The following ZNF91 variants were observed in gnomAD, a reference collection of about 807,000 sequenced individuals.
The protein encoded by ZNF91 is zinc finger protein 91 (HPF7, HTF10).
In ZNF91, 7 loss-of-function variants were observed where a neutral mutation model predicts 12.6. The observed-to-expected ratio is 0.55, with a 90% CI of 0.31 to 1.04. The LOEUF is 1.04. ZNF91 is among the 50% of genes least tolerant of loss of function. ZNF91 has a pLI of 0.05. For missense variants in ZNF91, 1,217 were observed against 1,385.4 expected (o/e 0.88, Z 1.93); for synonymous variants, 453 against 462.6 (o/e 0.98, Z 0.27).
chr19:23,359,111 AT>A lies in ZNF91; in HGVS notation c.*291del. On this transcript the variant is annotated 3_prime_UTR_variant, in exon 4 of 4. Coordinates refer to ENST00000300619, the MANE Select transcript of ZNF91 (RefSeq NM_003430.4). ...AAAAAGGATTTGCCACATTCTTCAC[AT>A]TTGTAGAGTTTTACTCCAGTATGAA... is the stretch of plus-strand genomic sequence containing the variant. The A allele has an allele frequency of 1.8e-6, 1 of 562,846 alleles. No homozygotes were observed. The allele number at this position is 562,846 out of a possible 1,614,324, so 34.9% of individuals were successfully genotyped here.
chr19:23,360,412 C>A lies in ZNF91; in HGVS notation c.2567G>T (p.Cys856Phe), dbSNP rs767095839. ...ATTAAAAGCTTTGCCACATTCCTCA[C>A]ATTTGTAGAGTTTCTCTCCAGCATG... ...IIHAGEKLYK[C>F]EECGKAFNQS... The change falls in exon 4 of 4, where the codon TGT becomes TTT. Residue 856 changes from cysteine (C) to phenylalanine (F), a missense_variant. This residue lies in a region of ZNF91 where 491 missense variants were observed against 489.8 expected (regional missense o/e 1.00). Coordinates refer to ENST00000300619, the MANE Select transcript of ZNF91 (RefSeq NM_003430.4). 2 of 1,614,114 alleles carry A rather than the reference C, an allele frequency of 1.2e-6. No individual in the cohort carries two copies. Among genetic ancestry groups the A allele is most frequent in the Non-Finnish European group, 1.7e-6 (2 of 1,180,002 alleles).
chr19:23,312,861 A>G (rs557222014), upstream of ZNF91, among the ~76,000 whole-genome samples: 4 of 152,326 alleles, frequency 2.6e-5, no homozygotes, highest in Admixed American at 1.3e-4. Flanking sequence ...AAAGATTGTC[A>G]TCTTCCCACA....
intron 1 of ZNF91, among the ~76,000 whole-genome samples, chr19:23,382,391 G>C (rs543963163): frequency 6.6e-6 from 1 of 152,276 alleles, no homozygotes; most frequent in South Asian, 2.1e-4. Context: ...CATGTTCTCA[G>C]AGACCTATGA....
At chr19:23,319,389 T>C (rs1967637173) in intron 1 of ZNF91, among the ~76,000 whole-genome samples, 1 of 152,208 alleles carries the variant, frequency 6.6e-6, no homozygotes, top group South Asian at 2.1e-4. Flanking sequence ...ACACATTTAT[T>C]TTTCTGCCTG....
At position 23,359,505 on chromosome 19, in the gene ZNF91, G is replaced by A; in HGVS notation, c.3474C>T (p.Ile1158=). 1 of 1,613,652 alleles carries A rather than the reference G, an allele frequency of 6.2e-7. No individual in the cohort carries two copies. The highest frequency in any genetic ancestry group is 8.5e-7 in the Non-Finnish European group (1 of 1,179,686). ...ILTNHKKIHT[I]TPVIPLLWEA... ...CCCAAAGTAGTGGGATTACAGGTGT[G>A]ATAGTATGAATTTTCTTATGGTTAG... Residue 1158 remains isoleucine, a synonymous_variant, in exon 4 of 4, where the codon ATC becomes ATT. Coordinates refer to ENST00000300619, the MANE Select transcript of ZNF91 (RefSeq NM_003430.4).
intron 1 of ZNF91, among the ~76,000 whole-genome samples, chr19:23,382,199 CTAAT>C (rs1969742507): frequency 6.6e-6 from 1 of 151,956 alleles, no homozygotes; most frequent in African/African-American, 2.4e-5. Flanking sequence ...TTTATGTAGA[CTAAT>C]TAAGCCTCTT....
intron 1 of ZNF91, among the ~76,000 whole-genome samples, chr19:23,377,412 T>G (rs1969542589): frequency 6.6e-6 from 1 of 152,204 alleles, no homozygotes; most frequent in Non-Finnish European, 1.5e-5. Flanking sequence ...TTATAACCAC[T>G]TACCTAAGCA....
Position 23,360,782 on chromosome 19 carries a change from T to C in ZNF91, c.2197A>G (p.Lys733Glu), listed in dbSNP as rs759791216. 5.2e-5 allele frequency: 84 copies of C among 1,613,022 alleles called. No individual in the cohort carries two copies. Among genetic ancestry groups the C allele is most frequent in the South Asian group, 1.2e-4 (11 of 91,058 alleles). ...GGTTTCTCTCCAGTATGAATAAACT[T>C]ATGTATAGTAAGATTTGAAGATCGA... ...FNRSSNLTIHKFIHTGEKPYK... is the reference protein window; with the variant it reads ...FNRSSNLTIHEFIHTGEKPYK... The change falls in exon 4 of 4, where the codon AAG becomes GAG. Residue 733 changes from lysine (K) to glutamate (E), a missense_variant. This residue lies in a region of ZNF91 where 726 missense variants were observed against 895.5 expected (regional missense o/e 0.81). Transcript: ENST00000300619.
chr19:23,384,057 C>T (rs561697800), intron 1 of ZNF91, among the ~76,000 whole-genome samples: 10 of 152,130 alleles, frequency 6.6e-5, no homozygotes, highest in East Asian at 1.9e-4. Context: ...TTGCAGTTAG[C>T]GAGATCGTGC....
intron 1 of ZNF91, chr19:23,329,112 TCTC>T (rs1449460821): frequency 2.6e-5 from 4 of 152,342 alleles, no homozygotes; most frequent in African/African-American, 9.6e-5. Flanking sequence ...TAAATGGCTT[TCTC>T]CTATTCTTTT....
At chr19:23,327,817 T>C (rs1477846920) in intron 1 of ZNF91, 2 of 152,244 alleles carry the variant, frequency 1.3e-5, no homozygotes, top group East Asian at 3.8e-4. Context: ...TCTATATGTA[T>C]TTGGTTAAAA....
chr19:23,318,796 C>T (rs35644212), intron 1 of ZNF91, among the ~76,000 whole-genome samples: 28,625 of 152,094 alleles, frequency 0.19, 2,917 homozygotes, highest in Non-Finnish European at 0.21. Context: ...TGGTCATTGC[C>T]CACAGGGGTC....
chr19:23,325,418 T>G (rs1967817538), intron 1 of ZNF91: 1 of 152,126 alleles, frequency 6.6e-6, no homozygotes, highest in Non-Finnish European at 1.5e-5. Flanking sequence ...TCCTGCAGAG[T>G]GCCCTGTGCA....
In ZNF91 at chr19:23,362,091, A is replaced by G; in HGVS notation, c.888T>C (p.Cys296=). Residue 296 remains cysteine, a synonymous_variant, in exon 4 of 4, where the codon TGT becomes TGC. Transcript: ENST00000300619. Reference sequence around the variant, plus strand: ...GGCTAAAAGCTTTGCCACATTCTTCACATTTGTAGGGTTTCTCTCCAGTGT... The same window carrying G: ...GGCTAAAAGCTTTGCCACATTCTTCGCATTTGTAGGGTTTCTCTCCAGTGT... ...RIHTGEKPYK[C]EECGKAFSHS... is the part of the protein sequence containing the mutation. The G allele has an allele frequency of 6.2e-7, 1 of 1,614,092 alleles. No homozygotes were observed. Among genetic ancestry groups the G allele is most frequent in the Non-Finnish European group, 8.5e-7 (1 of 1,180,000 alleles).
At chr19:23,339,141 C>T (rs1026692935) in intron 3 of ZNF91, 14 of 151,166 alleles carry the variant, frequency 9.3e-5, no homozygotes, top group African/African-American at 3.4e-4. Flanking sequence ...TCTCACCTTA[C>T]TTGTAAGACA....
chr19:23,345,524 C>T (rs1322649158), intron 3 of ZNF91, among the ~76,000 whole-genome samples: 4 of 152,136 alleles, frequency 2.6e-5, no homozygotes, highest in African/African-American at 4.8e-5. Flanking sequence ...CAGATCACAA[C>T]CCAACCTCTG....
intron 1 of ZNF91, chr19:23,385,220 T>C: frequency 1.7e-6 from 1 of 598,520 alleles, no homozygotes; most frequent in Non-Finnish European, 3.0e-6. Flanking sequence ...ACAGGTTCCC[T>C]CCTCCCCCTG....
At chr19:23,394,093 T>G (rs969744734) in intron 1 of ZNF91, among the ~76,000 whole-genome samples, 1 of 152,128 alleles carries the variant, frequency 6.6e-6, no homozygotes, top group African/African-American at 2.4e-5. Context: ...AATTGGCATT[T>G]GGGAATGTCA....
intron 1 of ZNF91, among the ~76,000 whole-genome samples, chr19:23,383,300 T>G (rs1969777585): frequency 6.6e-6 from 1 of 152,204 alleles, no homozygotes; most frequent in Non-Finnish European, 1.5e-5. Context: ...ACATCTTTCA[T>G]GTTAAAAATC....
Sources: allele counts gnomAD v4.1 joint callset (sites outside exome capture counted in the v4.1 genomes callset), GRCh38; gene constraint gnomAD v4.1.1; regional missense constraint gnomAD v4.1.1; transcripts MANE v1.5; gene names NCBI Gene and HGNC (gene_info 2026-07-23, HGNC 2026-07-21).